Variants in SYN3 observed in about 807,000 individuals in gnomAD.
The protein encoded by SYN3 is synapsin III.
Under a neutral mutation model 65.8 loss-of-function variants are expected in SYN3, and 35 were observed. The observed-to-expected ratio is 0.53, with a 90% CI of 0.41 to 0.70. The LOEUF (loss-of-function observed/expected upper bound fraction) is 0.70, where lower values mean the gene tolerates loss of function less well. SYN3 is among the 30% of genes least tolerant of loss of function. The probability of loss-of-function intolerance (pLI) is 0.00; values close to 1 mark genes in which losing one functional copy is unlikely to be tolerated. For synonymous variants in SYN3, 270 were observed against 292.9 expected (o/e 0.92, Z 0.80); for missense variants, 680 against 749.0 (o/e 0.91, Z 1.08).
intron 4 of SYN3, among the ~76,000 whole-genome samples, chr22:32,887,235 G>A (rs769629530): frequency 6.6e-5 from 10 of 152,116 alleles, no homozygotes; most frequent in Middle Eastern, 3.4e-3. Context: ...AATATTATCC[G>A]GGCATGGTGA....
chr22:32,980,299 T>C (rs540605134), intron 3 of SYN3, among the ~76,000 whole-genome samples: 2 of 152,286 alleles, frequency 1.3e-5, no homozygotes, highest in South Asian at 4.1e-4. Flanking sequence ...CCCAGGTGGC[T>C]GCAAGGAGAT....
chr22:32,709,831 T>C (rs5754227), intron 6 of SYN3, among the ~76,000 whole-genome samples: 40,315 of 151,824 alleles, frequency 0.27, 7,643 homozygotes, highest in East Asian at 0.63. Context: ...TCCCTATCAA[T>C]ATCTAGAAAG....
intron 7 of SYN3, among the ~76,000 whole-genome samples, chr22:32,564,908 G>A (rs561503468): frequency 8.8e-5 from 13 of 148,556 alleles, no homozygotes; most frequent in Middle Eastern, 3.9e-3. Context: ...AGTGCTCCCG[G>A]ATTACACCCA....
At chr22:32,873,902 G>A (rs560917274) in intron 4 of SYN3, among the ~76,000 whole-genome samples, 21 of 152,100 alleles carry the variant, frequency 1.4e-4, no homozygotes, top group African/African-American at 4.1e-4. Context: ...CAAGGTGGGC[G>A]GATCACTTAA....
chr22:32,538,614 C>T (rs1361551670), intron 8 of SYN3, among the ~76,000 whole-genome samples: 1 of 152,156 alleles, frequency 6.6e-6, no homozygotes, highest in Non-Finnish European at 1.5e-5. Context: ...GACCTCCCTT[C>T]CGGTGCTCCA....
intron 1 of SYN3, among the ~76,000 whole-genome samples, chr22:33,044,094 G>A (rs888828005): frequency 7.2e-5 from 11 of 151,990 alleles, no homozygotes; most frequent in African/African-American, 4.8e-5. Flanking sequence ...TGCACACAGT[G>A]AGGATGCAAC....
At chr22:32,848,017 G>T (rs2048118127) in intron 6 of SYN3, among the ~76,000 whole-genome samples, 1 of 152,202 alleles carries the variant, frequency 6.6e-6, no homozygotes, top group South Asian at 2.1e-4. Context: ...GCCAATGAAT[G>T]TTACTCTCTG....
At position 32,523,891 on chromosome 22, in the gene SYN3, CA is replaced by C. The variant is rs748804717; in HGVS notation, c.1318+4026del. Among the ~76,000 whole-genome samples the C allele has an allele frequency of 2.6e-5, 4 of 152,344 alleles. No individual in the cohort carries two copies. In the East Asian group the frequency reaches 5.8e-4, roughly 22 times the overall value. Reference sequence around the variant, plus strand: ...TAAATGTGCCACTCCAGTGAACACACAAATGATAAGAAATCAAAACAGCCTC... The same window carrying C: ...TAAATGTGCCACTCCAGTGAACACACAATGATAAGAAATCAAAACAGCCTC... On this transcript the variant is annotated intron_variant, in intron 12 of 13. Transcript: ENST00000358763.
intron 3 of SYN3, among the ~76,000 whole-genome samples, chr22:32,941,508 G>T (rs2050937362): frequency 6.6e-6 from 1 of 150,686 alleles, no homozygotes; most frequent in African/African-American, 2.4e-5. Context: ...CCAGTCTACA[G>T]CTCCCAGCAT....
intron 6 of SYN3, among the ~76,000 whole-genome samples, chr22:32,626,048 G>T (rs935569989): frequency 2.7e-4 from 41 of 152,130 alleles, no homozygotes; most frequent in Admixed American, 1.3e-3. Flanking sequence ...AAGGAAGGAG[G>T]AGGTGTTTGA....
intron 4 of SYN3, among the ~76,000 whole-genome samples, chr22:32,923,638 C>G (rs1344185481): frequency 6.6e-6 from 1 of 152,184 alleles, no homozygotes; most frequent in East Asian, 1.9e-4. Flanking sequence ...ATAGCTAGGA[C>G]TTGTTATGGC....
intron 7 of SYN3, among the ~76,000 whole-genome samples, chr22:32,546,923 C>G (rs1028830782): frequency 8.2e-5 from 10 of 122,344 alleles, no homozygotes; most frequent in African/African-American, 3.1e-4. Context: ...ACTCTCTCCT[C>G]CCTCCCTTTT....
intron 2 of SYN3, among the ~76,000 whole-genome samples, chr22:33,006,101 T>C (rs2053187898): frequency 6.6e-6 from 1 of 152,184 alleles, no homozygotes; most frequent in Admixed American, 6.5e-5. Flanking sequence ...GTGTGTTGGA[T>C]TTGGGATTTG....
At chr22:32,566,993 G>A (rs1601650414) in intron 7 of SYN3, among the ~76,000 whole-genome samples, 1 of 152,080 alleles carries the variant, frequency 6.6e-6, no homozygotes, top group Non-Finnish European at 1.5e-5. Context: ...GCAGGCAGAG[G>A]TGCAGGAAGA....
At chr22:32,873,682 G>A (rs971675179) in intron 4 of SYN3, among the ~76,000 whole-genome samples, 3 of 152,206 alleles carry the variant, frequency 2.0e-5, no homozygotes, top group Non-Finnish European at 4.4e-5. Flanking sequence ...TGTTGTATCT[G>A]AGCTCTGAAA....
intron 6 of SYN3, chr22:32,861,745 G>T (rs1243843492): frequency 6.6e-6 from 1 of 152,474 alleles, no homozygotes; most frequent in Non-Finnish European, 1.5e-5. Flanking sequence ...ATGTCAGAGG[G>T]CGGTTTTGAG....
Position 32,541,693 on chromosome 22 carries a change from A to C in SYN3, c.795T>G (p.Leu265=), listed in dbSNP as rs150712448. The change falls in exon 8 of 14, where the codon CTT becomes CTG. Residue 265 remains leucine (L), a synonymous_variant. Transcript: ENST00000358763. ...CCACGCTGGTGATGTCCTGGAAGTC[A>C]AGCTGGTTTTCCACTTTGATCTGTG... ...GMGKIKVENQ[L]DFQDITSVVA... The C allele has an allele frequency of 9.3e-6, 15 of 1,613,860 alleles. No individual in the cohort carries two copies. In the African/African-American group the frequency reaches 1.9e-4, roughly 20 times the overall value.
At chr22:32,574,572 T>C (rs2146449522) in intron 7 of SYN3, among the ~76,000 whole-genome samples, 1 of 152,342 alleles carries the variant, frequency 6.6e-6, no homozygotes, top group Non-Finnish European at 1.5e-5. Flanking sequence ...CAGGGGCTAA[T>C]GTGGTTTAGC....
At position 32,943,580 on chromosome 22, in the gene SYN3, C is replaced by A. The variant is rs188924120; in HGVS notation, c.370-12099G>T. On this transcript the variant is annotated intron_variant, in intron 3 of 13. Coordinates refer to ENST00000358763, the MANE Select transcript of SYN3 (RefSeq NM_003490.4). ...CCAGCTAACATCATAATGACAGGATCAAATTCACACATAACAATATTAACC... is the reference window on the plus strand; with the variant it reads ...CCAGCTAACATCATAATGACAGGATAAAATTCACACATAACAATATTAACC... 9.2e-4 allele frequency among the ~76,000 whole-genome samples: 140 copies of A among 152,248 alleles called. 3 individuals carry two copies. The East Asian group carries it at 0.026, about 28-fold the overall frequency.
Sources: gnomAD v4.1 joint callset for allele counts (sites outside exome capture counted in the v4.1 genomes callset) on GRCh38, gnomAD v4.1.1 for gene constraint, MANE v1.5 for transcripts, NCBI Gene and HGNC (gene_info 2026-07-23, HGNC 2026-07-21) for gene names.